ZDHHC14: variants seen among roughly 807,000 people sequenced by gnomAD.
ZDHHC14 encodes zDHHC palmitoyltransferase 14, also known as palmitoyltransferase ZDHHC14.
A neutral mutation model predicts 47.7 loss-of-function variants in ZDHHC14; 16 were observed. That is an observed-to-expected ratio of 0.34 (90% confidence interval 0.23 to 0.51). The LOEUF is 0.51. Among genes scored for constraint, ZDHHC14 ranks in the 20% least tolerant of loss-of-function variants. The pLI is 0.97. For synonymous variants in ZDHHC14, 293 were observed against 278.9 expected (o/e 1.05, Z -0.50); for missense variants, 515 against 662.5 (o/e 0.78, Z 2.44).
At chr6:157,671,912 G>A (rs755434915) in intron 8 of ZDHHC14, among the ~76,000 whole-genome samples, 2 of 152,148 alleles carry the variant, frequency 1.3e-5, no homozygotes, top group Non-Finnish European at 2.9e-5. Context: ...TATTAAGTCC[G>A]TTGATGTTGT....
chr6:157,530,633 A>G (rs1448876846), intron 1 of ZDHHC14, among the ~76,000 whole-genome samples: 2 of 152,232 alleles, frequency 1.3e-5, no homozygotes, highest in Non-Finnish European at 2.9e-5. Flanking sequence ...TTTTGGAAAT[A>G]GAACCATTTT....
At chr6:157,481,924 A>T (rs1779640557) in intron 1 of ZDHHC14, among the ~76,000 whole-genome samples, 1 of 152,202 alleles carries the variant, frequency 6.6e-6, no homozygotes, top group Non-Finnish European at 1.5e-5. Context: ...GGTCCTGAAG[A>T]TAGCTTTCCT....
chr6:157,615,125 G>A (rs113381817), intron 3 of ZDHHC14, among the ~76,000 whole-genome samples: 124 of 152,266 alleles, frequency 8.1e-4, no homozygotes, highest in African/African-American at 2.8e-3. Flanking sequence ...ACGGGCCCCC[G>A]ACATTCCATA....
intron 1 of ZDHHC14, among the ~76,000 whole-genome samples, chr6:157,517,095 G>A (rs1454213256): frequency 2.4e-4 from 36 of 152,162 alleles, no homozygotes; most frequent in Non-Finnish European, 4.4e-5. Flanking sequence ...TCAGTGCCAC[G>A]GAAGGGAAGT....
chr6:157,437,542 G>A (rs145696163), intron 1 of ZDHHC14, among the ~76,000 whole-genome samples: 2,126 of 152,290 alleles, frequency 0.014, 53 homozygotes, highest in African/African-American at 0.049. Context: ...GCATATGCCT[G>A]TATACAATAC....
intron 5 of ZDHHC14, 136 bp from the exon 6 acceptor site, chr6:157,645,601 C>G (rs1777490652): frequency 9.3e-6 from 6 of 646,498 alleles, no homozygotes; most frequent in Non-Finnish European, 1.6e-5. Flanking sequence ...GAGCAGGAAG[C>G]AAGGCAAGGC....
chr6:157,614,147 G>A (rs941226608), intron 3 of ZDHHC14, among the ~76,000 whole-genome samples: 1 of 152,158 alleles, frequency 6.6e-6, no homozygotes, highest in Non-Finnish European at 1.5e-5. Context: ...GGGATGGGGG[G>A]GCGGGGAGTG....
At chr6:157,597,032 C>G (rs1247199337) in intron 3 of ZDHHC14, among the ~76,000 whole-genome samples, 3 of 152,334 alleles carry the variant, frequency 2.0e-5, no homozygotes, top group Admixed American at 6.5e-5. Flanking sequence ...CCGTCTGTCT[C>G]TTTCTCTGAA....
chr6:157,614,656 G>A (rs774853605), intron 3 of ZDHHC14, among the ~76,000 whole-genome samples: 207 of 152,272 alleles, frequency 1.4e-3, no homozygotes, highest in Non-Finnish European at 2.6e-3. Flanking sequence ...TTCCCAGGCC[G>A]TAACACTATG....
chr6:157,554,744 C>T (rs1000029699), intron 2 of ZDHHC14, among the ~76,000 whole-genome samples: 4 of 152,310 alleles, frequency 2.6e-5, no homozygotes, highest in Non-Finnish European at 2.9e-5. Context: ...AAAAAAACGT[C>T]GGCATTTGGG....
intron 8 of ZDHHC14, 75 bp from the exon 9 acceptor site, chr6:157,672,649 G>T: frequency 7.0e-6 from 2 of 286,324 alleles, no homozygotes; most frequent in South Asian, 3.1e-5. Context: ...CCCGTGCCCT[G>T]TCCCCATCCC....
chr6:157,606,986 C>CA (rs1784562797), intron 3 of ZDHHC14, among the ~76,000 whole-genome samples: 1 of 152,222 alleles, frequency 6.6e-6, no homozygotes. Context: ...ATAACATTTA[C>CA]ACTTGCCACT....
intron 1 of ZDHHC14, among the ~76,000 whole-genome samples, chr6:157,426,541 C>A (rs376107336): frequency 1.3e-5 from 2 of 152,060 alleles, no homozygotes; most frequent in Admixed American, 6.5e-5. Context: ...GGGGGAGAAG[C>A]GCACCAGCTC....
At chr6:157,384,352 G>A (rs550641976) in intron 1 of ZDHHC14, among the ~76,000 whole-genome samples, 11 of 152,092 alleles carry the variant, frequency 7.2e-5, no homozygotes, top group African/African-American at 9.6e-5. Context: ...ATTCATTTTC[G>A]TTTCTTGATC....
At chr6:157,558,508 G>C (rs1436774676) in intron 2 of ZDHHC14, among the ~76,000 whole-genome samples, 2 of 152,190 alleles carry the variant, frequency 1.3e-5, no homozygotes, top group Non-Finnish European at 2.9e-5. Context: ...AATGACTCTG[G>C]TGCAAACATG....
chr6:157,448,313 A>C (rs1778728122), intron 1 of ZDHHC14, among the ~76,000 whole-genome samples: 1 of 152,148 alleles, frequency 6.6e-6, no homozygotes, highest in Non-Finnish European at 1.5e-5. Context: ...CTCCCAAATG[A>C]ATATTTTTCC....
At chr6:157,577,049 G>T (rs1258821638) in intron 2 of ZDHHC14, among the ~76,000 whole-genome samples, 2 of 152,064 alleles carry the variant, frequency 1.3e-5, no homozygotes, top group Admixed American at 6.6e-5. Context: ...AGTGTGTGGT[G>T]TTCCCCTCTT....
At chr6:157,650,117 G>A (rs1485919310) in intron 7 of ZDHHC14, among the ~76,000 whole-genome samples, 6 of 152,176 alleles carry the variant, frequency 3.9e-5, no homozygotes, top group Non-Finnish European at 8.8e-5. Context: ...GGGGGTGCAC[G>A]GGAGAGGGGC....
At chr6:157,594,513 G>A (rs1443606846) in intron 3 of ZDHHC14, among the ~76,000 whole-genome samples, 2 of 152,204 alleles carry the variant, frequency 1.3e-5, no homozygotes, top group Non-Finnish European at 1.5e-5. Flanking sequence ...CCTGCCGCAT[G>A]GGATAGTGGA....
Sources: gnomAD v4.1 joint callset for allele counts (sites outside exome capture counted in the v4.1 genomes callset) on GRCh38, gnomAD v4.1.1 for gene constraint, MANE v1.5 for transcripts, NCBI Gene and HGNC (gene_info 2026-07-23, HGNC 2026-07-21) for gene names.